Variants in IFT88 observed in about 807,000 individuals in gnomAD.
IFT88 encodes the protein intraflagellar transport protein 88 homolog.
IFT88 carries 74 observed loss-of-function variants against 119.5 expected under a neutral mutation model. The ratio of observed to expected loss-of-function variants is 0.62; its 90% CI spans 0.51 to 0.75. IFT88 has a LOEUF of 0.75. Among genes scored for constraint, IFT88 ranks in the 30% least tolerant of loss-of-function variants. IFT88 has a pLI of 0.00. For synonymous variants in IFT88, 279 were observed against 316.7 expected, an observed-to-expected ratio of 0.88 and a Z score of 1.26; for missense variants, 961 against 977.7, an observed-to-expected ratio of 0.98 and a Z score of 0.23.
intron 14 of IFT88, among the ~76,000 whole-genome samples, chr13:20,623,535 C>T (rs184124375): frequency 2.0e-5 from 3 of 152,120 alleles, no homozygotes; most frequent in East Asian, 3.9e-4. Flanking sequence ...AGTGAAGTGT[C>T]GTGATCTCGG....
At chr13:20,668,848 T>G (rs1347742538) in intron 23 of IFT88, among the ~76,000 whole-genome samples, 1 of 152,220 alleles carries the variant, frequency 6.6e-6, no homozygotes, top group Non-Finnish European at 1.5e-5. Context: ...GATGCTGTTT[T>G]CCTTTTATTC....
At chr13:20,667,109 G>A (rs1594786931) in intron 23 of IFT88, among the ~76,000 whole-genome samples, 1 of 152,156 alleles carries the variant, frequency 6.6e-6, no homozygotes, top group Non-Finnish European at 1.5e-5. Flanking sequence ...TAGCGTTGAA[G>A]TGATAAGAAT....
intron 19 of IFT88, 74 bp from the exon 20 acceptor site, chr13:20,644,769 A>C (rs2050482280): frequency 1.5e-6 from 1 of 668,210 alleles, no homozygotes; most frequent in Non-Finnish European, 2.7e-6. Context: ...TTTATTCAAT[A>C]GGTAAAGTAT....
intron 22 of IFT88, among the ~76,000 whole-genome samples, chr13:20,661,749 A>T (rs2053832491): frequency 6.7e-6 from 1 of 150,132 alleles, no homozygotes; most frequent in African/African-American, 2.5e-5. Context: ...AAAAAAAAAA[A>T]TTATAAATGT....
At chr13:20,567,363 C>G (rs1252605714) in intron 1 of IFT88, 107 bp downstream of exon 1, 1 of 152,390 alleles carries the variant, frequency 6.6e-6, no homozygotes, top group Non-Finnish European at 1.5e-5. Context: ...CCGTCTCCTG[C>G]CCGCCCCTGT....
At chr13:20,667,315 A>C (rs1261203218) in intron 23 of IFT88, among the ~76,000 whole-genome samples, 1 of 152,164 alleles carries the variant, frequency 6.6e-6, no homozygotes, top group East Asian at 1.9e-4. Flanking sequence ...TGTCGTCTTC[A>C]CTATGTTTAC....
At chr13:20,616,279 A>G (rs1011178235) in intron 14 of IFT88, among the ~76,000 whole-genome samples, 3 of 152,214 alleles carry the variant, frequency 2.0e-5, no homozygotes, top group African/African-American at 7.2e-5. Flanking sequence ...AAAAGTGTAC[A>G]GTAATATCCT....
chr13:20,614,652 G>A (rs914039174), intron 13 of IFT88, among the ~76,000 whole-genome samples: 1 of 152,076 alleles, frequency 6.6e-6, no homozygotes, highest in Non-Finnish European at 1.5e-5. Flanking sequence ...CAGTAATCTG[G>A]TTGTGATACT....
intron 18 of IFT88, 133 bp downstream of exon 18, chr13:20,641,531 G>A: frequency 1.9e-6 from 1 of 537,978 alleles, no homozygotes; most frequent in Non-Finnish European, 3.3e-6. Context: ...AGGATAATCT[G>A]GCAGATTATT....
intron 24 of IFT88, among the ~76,000 whole-genome samples, chr13:20,671,912 A>G (rs1017583048): frequency 6.6e-6 from 1 of 152,192 alleles, no homozygotes; most frequent in Admixed American, 6.5e-5. Flanking sequence ...GCTCTTAGTT[A>G]GGCAGGCCTT....
intron 14 of IFT88, among the ~76,000 whole-genome samples, chr13:20,621,350 A>C (rs921765673): frequency 1.3e-5 from 2 of 152,146 alleles, no homozygotes; most frequent in Non-Finnish European, 2.9e-5. Context: ...TACAGGCGTG[A>C]GCCACCATGC....
In IFT88 at chr13:20,597,084, A is replaced by G. The variant is rs759519229; in HGVS notation, c.559A>G (p.Thr187Ala). 6.2e-7 allele frequency: 1 copy of G among 1,602,726 alleles called. No individual in the cohort carries two copies. The highest frequency in any genetic ancestry group is 8.5e-7 in the Non-Finnish European group (1 of 1,173,778). Residue 187 changes from threonine (T) to alanine (A), a missense_variant, in exon 9 of 26, where the codon ACT becomes GCT. Coordinates refer to ENST00000351808, the MANE Select transcript of IFT88 (RefSeq NM_006531.5). ...VLVRQREQVT[T>A]PENINLDLTY... is the part of the protein sequence containing the mutation. ...GGTGAGACAGCGAGAACAAGTTACA[A>G]CTCCAGAAAATATCAATTTGGATTT...
intron 15 of IFT88, among the ~76,000 whole-genome samples, chr13:20,627,252 A>G (rs753655432): frequency 6.6e-6 from 1 of 152,228 alleles, no homozygotes; most frequent in Non-Finnish European, 1.5e-5. Flanking sequence ...ATGACTCTCC[A>G]ACATTGTTGT....
At chr13:20,640,577 A>C (rs965463149) in intron 17 of IFT88, among the ~76,000 whole-genome samples, 47 of 82,044 alleles carry the variant, frequency 5.7e-4, no homozygotes, top group African/African-American at 2.1e-3. Flanking sequence ...TCTCAAAATA[A>C]ATAAATAAAT....
chr13:20,654,161 T>G (rs1360339941), intron 21 of IFT88, among the ~76,000 whole-genome samples: 1 of 152,246 alleles, frequency 6.6e-6, no homozygotes, highest in Non-Finnish European at 1.5e-5. Context: ...AAAACAGATT[T>G]GTTATTTCTC....
At chr13:20,633,836 A>G (rs1334216074) in intron 16 of IFT88, among the ~76,000 whole-genome samples, 2 of 152,166 alleles carry the variant, frequency 1.3e-5, no homozygotes, top group Non-Finnish European at 2.9e-5. Flanking sequence ...TATCCGGCAT[A>G]TAGTTGTATC....
At chr13:20,672,678 A>T (rs997579110) in intron 24 of IFT88, among the ~76,000 whole-genome samples, 2 of 152,206 alleles carry the variant, frequency 1.3e-5, no homozygotes, top group African/African-American at 4.8e-5. Context: ...AGAAAGCAAG[A>T]TGTATTAGCC....
intron 24 of IFT88, 28 bp from the exon 25 acceptor site, chr13:20,690,676 CA>C (rs973165561): frequency 7.2e-7 from 1 of 1,384,928 alleles, no homozygotes; most frequent in Non-Finnish European, 1.0e-6. Context: ...ACATATTAAA[CA>C]AATGCATTTT....
chr13:20,576,764 A>G (rs368320006), intron 2 of IFT88, among the ~76,000 whole-genome samples: 17 of 152,212 alleles, frequency 1.1e-4, no homozygotes, highest in African/African-American at 2.6e-4. Flanking sequence ...TTTGGTTACT[A>G]TAGCTCTATA....
Sources: allele counts gnomAD v4.1 joint callset (sites outside exome capture counted in the v4.1 genomes callset), GRCh38; gene constraint gnomAD v4.1.1; transcripts MANE v1.5; gene names NCBI Gene and HGNC (gene_info 2026-07-23, HGNC 2026-07-21).